USH2A: variants seen among roughly 807,000 people sequenced by gnomAD.
USH2A encodes Usher syndrome 2A (autosomal recessive, mild).
USH2A carries 443 observed loss-of-function variants against 538.9 expected under a neutral mutation model. The observed-to-expected ratio is 0.82, with a 90% CI of 0.76 to 0.89. The LOEUF (loss-of-function observed/expected upper bound fraction) is 0.89, where lower values mean the gene tolerates loss of function less well. USH2A is among the 40% of genes least tolerant of loss of function. USH2A has a pLI of 0.00. For missense variants in USH2A, 6,633 were observed against 6,324.8 expected, an observed-to-expected ratio of 1.05 and a Z score of -1.65; for synonymous variants, 2,413 against 2,273.5, an observed-to-expected ratio of 1.06 and a Z score of -1.75.
At chr1:215,896,786 TA>T (rs2102466851) in intron 40 of USH2A, among the ~76,000 whole-genome samples, 1 of 152,278 alleles carries the variant, frequency 6.6e-6, no homozygotes. Flanking sequence ...AACATAATCT[TA>T]GGACATTTTT....
At chr1:215,794,297 C>T (rs1018452518) in intron 50 of USH2A, among the ~76,000 whole-genome samples, 5 of 152,190 alleles carry the variant, frequency 3.3e-5, no homozygotes, top group African/African-American at 9.6e-5. Flanking sequence ...TGTTAAAGGG[C>T]TCCTGCAGGC....
At chr1:215,630,565 T>C (rs188602009) in intron 70 of USH2A, among the ~76,000 whole-genome samples, 1 of 143,350 alleles carries the variant, frequency 7.0e-6, no homozygotes, top group African/African-American at 2.6e-5. Context: ...TAAAACTTCA[T>C]AGTGAGGCCG....
chr1:216,365,773 CA>C (rs11287571), intron 3 of USH2A, among the ~76,000 whole-genome samples: 2,281 of 152,032 alleles, frequency 0.015, 56 homozygotes, highest in African/African-American at 0.052. Flanking sequence ...CACAACTGCC[CA>C]ACTCTAATGC....
intron 50 of USH2A, among the ~76,000 whole-genome samples, chr1:215,795,401 G>A (rs1662097994): frequency 6.6e-6 from 1 of 152,064 alleles, no homozygotes; most frequent in African/African-American, 2.4e-5. Context: ...TAACCTTGTA[G>A]GCACTTTTCT....
chr1:216,334,926 C>G (rs376588094), intron 4 of USH2A, among the ~76,000 whole-genome samples: 1 of 151,776 alleles, frequency 6.6e-6, no homozygotes, highest in Middle Eastern at 3.4e-3. Flanking sequence ...AATGGAAGAC[C>G]TGAATGACTT....
chr1:216,212,302 T>G (rs373316875), intron 15 of USH2A, among the ~76,000 whole-genome samples: 1 of 152,200 alleles, frequency 6.6e-6, no homozygotes, highest in Non-Finnish European at 1.5e-5. Flanking sequence ...GTATTTAAGT[T>G]GAAATTTTCA....
chr1:215,864,325 T>G (rs1206374321), intron 44 of USH2A, among the ~76,000 whole-genome samples: 1 of 152,200 alleles, frequency 6.6e-6, no homozygotes, highest in East Asian at 1.9e-4. Flanking sequence ...TTCTGAGGAT[T>G]GTATAAATAA....
At chr1:215,678,617 C>T (rs557047949) in intron 62 of USH2A, among the ~76,000 whole-genome samples, 3 of 152,134 alleles carry the variant, frequency 2.0e-5, no homozygotes, top group Non-Finnish European at 2.9e-5. Context: ...TAGCATTCAT[C>T]GCTCTCAGTA....
intron 38 of USH2A, among the ~76,000 whole-genome samples, chr1:215,905,672 C>G (rs945051003): frequency 6.6e-6 from 1 of 152,032 alleles, no homozygotes; most frequent in African/African-American, 2.4e-5. Context: ...CCTGGGGGTA[C>G]TATCAGTTGT....
intron 37 of USH2A, among the ~76,000 whole-genome samples, chr1:215,957,662 C>T (rs1442824030): frequency 2.0e-5 from 3 of 152,150 alleles, no homozygotes; most frequent in Non-Finnish European, 4.4e-5. Context: ...TCTACAGCTG[C>T]GTGGTGGACG....
chr1:215,993,945 G>A (rs113900234), intron 34 of USH2A, among the ~76,000 whole-genome samples: 110 of 152,118 alleles, frequency 7.2e-4, no homozygotes, highest in African/African-American at 2.4e-3. Context: ...TGCAAATAAT[G>A]TTTTAAACTT....
chr1:215,625,957 A>AAAGTAAT, intron 71 of USH2A, 87 bp from the exon 72 acceptor site: 1 of 1,354,204 alleles, frequency 7.4e-7, no homozygotes, highest in Non-Finnish European at 1.0e-6. Flanking sequence ...TTAAGTGTAA[A>AAAGTAAT]AAGTAATAAG....
chr1:215,944,154 C>T (rs1192020555), intron 37 of USH2A, among the ~76,000 whole-genome samples: 1 of 152,078 alleles, frequency 6.6e-6, no homozygotes, highest in Non-Finnish European at 1.5e-5. Context: ...AATCTACAAG[C>T]CAAATTTGGC....
At chr1:216,157,315 C>A (rs1489928643) in intron 21 of USH2A, among the ~76,000 whole-genome samples, 1 of 152,038 alleles carries the variant, frequency 6.6e-6, no homozygotes, top group African/African-American at 2.4e-5. Context: ...ATTAAAAAGT[C>A]AAAAAACAGC....
intron 11 of USH2A, 114 bp downstream of exon 11, chr1:216,289,166 C>T (rs2036947310): frequency 1.4e-6 from 2 of 1,480,186 alleles, no homozygotes; most frequent in Middle Eastern, 3.5e-4. Context: ...AATGCAAATG[C>T]ACATAGAGGA....
chr1:216,338,249 C>T (rs2038011660), intron 4 of USH2A, among the ~76,000 whole-genome samples: 3 of 151,390 alleles, frequency 2.0e-5, no homozygotes, highest in Non-Finnish European at 4.4e-5. Flanking sequence ...TAATCAAGTG[C>T]TATAGCTTTT....
chr1:216,306,939 G>C (rs1216506500), intron 9 of USH2A, among the ~76,000 whole-genome samples: 1 of 152,150 alleles, frequency 6.6e-6, no homozygotes, highest in African/African-American at 2.4e-5. Flanking sequence ...AGATAGCAGG[G>C]GAGTGAAGTA....
At chr1:216,240,083 C>T (rs996865064) in intron 13 of USH2A, among the ~76,000 whole-genome samples, 1 of 148,586 alleles carries the variant, frequency 6.7e-6, no homozygotes, top group Admixed American at 6.7e-5. Flanking sequence ...TAAGAAAAAG[C>T]TAAGCTCTTG....
intron 11 of USH2A, among the ~76,000 whole-genome samples, chr1:216,264,568 G>C (rs369142717): frequency 7.2e-5 from 11 of 152,094 alleles, no homozygotes; most frequent in Admixed American, 5.2e-4. Flanking sequence ...AAAGTGCTGG[G>C]ATTACAGGCG....
Sources: gnomAD v4.1 joint callset for allele counts (sites outside exome capture counted in the v4.1 genomes callset) on GRCh38, gnomAD v4.1.1 for gene constraint, MANE v1.5 for transcripts, NCBI Gene and HGNC (gene_info 2026-07-23, HGNC 2026-07-21) for gene names.